The following PKP4 variants were observed in gnomAD, a reference collection of about 807,000 sequenced individuals.
PKP4 encodes plakophilin 4, also known as plakophilin-4.
PKP4 carries 90 observed loss-of-function variants against 145.1 expected under a neutral mutation model. The ratio of observed to expected loss-of-function variants is 0.62; its 90% CI spans 0.52 to 0.74. PKP4 has a LOEUF of 0.74. PKP4 is among the 30% of genes least tolerant of loss of function. The probability of loss-of-function intolerance (pLI) is 0.00; values close to 1 mark genes in which losing one functional copy is unlikely to be tolerated. For synonymous variants in PKP4, 563 were observed against 577.2 expected (o/e 0.98, Z 0.35); for missense variants, 1,340 against 1,482.7 (o/e 0.90, Z 1.58).
intron 3 of PKP4, among the ~76,000 whole-genome samples, chr2:158,587,642 T>C (rs1192286583): frequency 6.6e-6 from 1 of 152,026 alleles, no homozygotes; most frequent in South Asian, 2.1e-4. Context: ...GGTTTTAAAA[T>C]CTTCTTTATT....
chr2:158,642,778 G>C, intron 11 of PKP4, 79 bp downstream of exon 11: 9 of 1,026,464 alleles, frequency 8.8e-6, no homozygotes, highest in Non-Finnish European at 1.3e-5. Flanking sequence ...TGGCACTATG[G>C]AAGAGTTGGA....
chr2:158,456,958 G>A lies in PKP4; in HGVS notation c.-266G>A, dbSNP rs1171260697. On this transcript the variant is annotated 5_prime_UTR_variant, in exon 1 of 22. Transcript: ENST00000389759. ...GCGGCGGCGGCCTCTGGGCAGTAGA[G>A]GGGGCTCCGGGGCTGAGTCCGCGTC... 2 of 152,566 alleles carry A rather than the reference G, an allele frequency of 1.3e-5. No homozygotes were observed. Among genetic ancestry groups the A allele is most frequent in the African/African-American group, 4.8e-5 (2 of 41,250 alleles). The allele number at this position is 152,566 out of a possible 1,614,324, so 9.5% of individuals were successfully genotyped here.
At chr2:158,648,424 A>T (rs1000192028) in intron 11 of PKP4, among the ~76,000 whole-genome samples, 2 of 152,238 alleles carry the variant, frequency 1.3e-5, no homozygotes, top group Non-Finnish European at 2.9e-5. Flanking sequence ...GTCTGGCAAG[A>T]ATTAGTCTTA....
chr2:158,614,800 T>C (rs565392491), intron 4 of PKP4, among the ~76,000 whole-genome samples: 11 of 152,150 alleles, frequency 7.2e-5, no homozygotes, highest in Non-Finnish European at 1.5e-4. Context: ...TAGTGATATG[T>C]GAAGAAATGT....
At chr2:158,518,018 G>GTTA (rs1233913961) in intron 1 of PKP4, among the ~76,000 whole-genome samples, 1 of 152,156 alleles carries the variant, frequency 6.6e-6, no homozygotes, top group Non-Finnish European at 1.5e-5. Context: ...TATCTTGATG[G>GTTA]TTATTTCAGG....
In PKP4 at chr2:158,571,071, G is replaced by A. The variant is rs370288936; in HGVS notation, c.133-6200G>A. 7.2e-5 allele frequency among the ~76,000 whole-genome samples: 11 copies of A among 152,240 alleles called. 3 individuals carry two copies. Among genetic ancestry groups the A allele is most frequent in the African/African-American group, 2.6e-4 (11 of 41,542 alleles). On this transcript the variant is annotated intron_variant, in intron 2 of 21. Transcript: ENST00000389759. ...GAGAACTAAGGATTAGTGTGAATGTGGGGGCAGGAGTTGAGTTGTCAAGCT... is the reference window on the plus strand; with the variant it reads ...GAGAACTAAGGATTAGTGTGAATGTAGGGGCAGGAGTTGAGTTGTCAAGCT...
intron 19 of PKP4, among the ~76,000 whole-genome samples, chr2:158,675,908 G>A (rs2057966463): frequency 6.6e-6 from 1 of 152,170 alleles, no homozygotes; most frequent in Non-Finnish European, 1.5e-5. Flanking sequence ...AAGTGAATAA[G>A]TGGCCACTCT....
chr2:158,631,762 G>A lies in PKP4; in HGVS notation c.1163G>A (p.Ser388Asn). 1.2e-6 allele frequency: 2 copies of A among 1,613,788 alleles called. No homozygotes were observed. Among genetic ancestry groups the A allele is most frequent in the Non-Finnish European group, 1.7e-6 (2 of 1,179,750 alleles). The change falls in exon 8 of 22, where the codon AGT (serine) becomes AAT (asparagine). Residue 388 changes from serine (S) to asparagine (N), a missense_variant. Ser to Asn is a conservative substitution (Grantham distance 46). Coordinates refer to ENST00000389759, the MANE Select transcript of PKP4 (RefSeq NM_003628.6). ...ATTTTTGTGCCTCTAGGCTTACGGA[G>A]TTCCTATGCTAGTCAGCATAGTCAG... ...PRPDSLTGLR[S>N]SYASQHSQLG...
At chr2:158,639,104 A>G (rs545083089) in intron 9 of PKP4, among the ~76,000 whole-genome samples, 2 of 152,322 alleles carry the variant, frequency 1.3e-5, no homozygotes, top group Admixed American at 6.5e-5. Flanking sequence ...TGCTTACCTC[A>G]TGAGGCAACA....
chr2:158,621,331 G>A lies in PKP4; in HGVS notation c.513G>A (p.Lys171=). ...TCCACAACAGCCAGAACGTGAGCAA[G>A]GCAGACAACAGACAGCAGCATTCAT... The part of the protein sequence containing the change: ...GSFHNSQNVS[K]ADNRQQHSFI... The change falls in exon 6 of 22, where the codon AAG becomes AAA. Residue 171 remains lysine, a synonymous_variant. Coordinates refer to ENST00000389759, the MANE Select transcript of PKP4 (RefSeq NM_003628.6). The A allele has an allele frequency of 6.2e-7, 1 of 1,614,140 alleles. No individual in the cohort carries two copies. The highest frequency in any genetic ancestry group is 8.5e-7 in the Non-Finnish European group (1 of 1,180,004).
intron 3 of PKP4, among the ~76,000 whole-genome samples, chr2:158,601,281 T>C (rs2105845463): frequency 6.6e-6 from 1 of 152,314 alleles, no homozygotes; most frequent in African/African-American, 2.4e-5. Context: ...AAGATAAAAC[T>C]TTCTTAATAT....
intron 2 of PKP4, among the ~76,000 whole-genome samples, chr2:158,545,576 T>C (rs539952515): frequency 1.3e-5 from 2 of 152,178 alleles, no homozygotes; most frequent in Non-Finnish European, 2.9e-5. Context: ...ATCTTATACT[T>C]ATTTAAACCT....
At chr2:158,572,280 G>C (rs1170593326) in intron 2 of PKP4, among the ~76,000 whole-genome samples, 1 of 152,174 alleles carries the variant, frequency 6.6e-6, no homozygotes, top group Non-Finnish European at 1.5e-5. Flanking sequence ...AAGAAATTAA[G>C]AGAAAATATG....
At chr2:158,554,818 G>A (rs1244602794) in intron 2 of PKP4, among the ~76,000 whole-genome samples, 1 of 151,926 alleles carries the variant, frequency 6.6e-6, no homozygotes, top group Non-Finnish European at 1.5e-5. Context: ...AAACTCTTAC[G>A]GCCCAAGAAT....
At chr2:158,496,584 T>A (rs1479745078) in intron 1 of PKP4, among the ~76,000 whole-genome samples, 2 of 152,192 alleles carry the variant, frequency 1.3e-5, no homozygotes, top group Admixed American at 1.3e-4. Flanking sequence ...CAGAAGTTTT[T>A]AATTTCTTGC....
At chr2:158,503,171 A>G (rs139471247) in intron 1 of PKP4, among the ~76,000 whole-genome samples, 1,708 of 152,346 alleles carry the variant, frequency 0.011, 30 homozygotes, top group African/African-American at 0.038. Flanking sequence ...GCAATATCCA[A>G]TTTGTTAGCT....
intron 2 of PKP4, among the ~76,000 whole-genome samples, chr2:158,541,683 A>T (rs912547293): frequency 1.2e-4 from 18 of 152,140 alleles, no homozygotes; most frequent in African/African-American, 4.3e-4. Flanking sequence ...AAGAAAATTT[A>T]ATTTTTCCTT....
intron 1 of PKP4, among the ~76,000 whole-genome samples, chr2:158,528,492 TG>T (rs1356122057): frequency 7.4e-5 from 2 of 27,048 alleles, no homozygotes; most frequent in Non-Finnish European, 1.3e-4. Flanking sequence ...TGTGGTGGGG[TG>T]GGGGGAGGGG....
At chr2:158,651,262 C>CTG (rs779709281) in intron 11 of PKP4, among the ~76,000 whole-genome samples, 2 of 152,146 alleles carry the variant, frequency 1.3e-5, no homozygotes, top group Non-Finnish European at 2.9e-5. Flanking sequence ...TTCCTCATTT[C>CTG]TGTTAACAGT....
Sources: gnomAD v4.1 joint callset for allele counts (sites outside exome capture counted in the v4.1 genomes callset) on GRCh38, gnomAD v4.1.1 for gene constraint, MANE v1.5 for transcripts, NCBI Gene and HGNC (gene_info 2026-07-23, HGNC 2026-07-21) for gene names.